The following PCNT variants were observed in gnomAD, a reference collection of about 807,000 sequenced individuals.
PCNT encodes pericentrin.
A neutral mutation model predicts 380.4 loss-of-function variants in PCNT; 319 were observed. The observed-to-expected ratio is 0.84, with a 90% CI of 0.77 to 0.92. The LOEUF (loss-of-function observed/expected upper bound fraction) is 0.92, where lower values mean the gene tolerates loss of function less well. PCNT is among the 40% of genes least tolerant of loss of function. The pLI is 0.00. For synonymous variants in PCNT, 1,845 were observed against 1,735.2 expected (o/e 1.06, Z -1.57); for missense variants, 4,400 against 4,255.3 (o/e 1.03, Z -0.95).
intron 24 of PCNT, among the ~76,000 whole-genome samples, chr21:46,398,877 TG>T (rs1187356887): frequency 2.0e-5 from 3 of 148,174 alleles, no homozygotes; most frequent in Middle Eastern, 3.6e-3. Context: ...TGGAGTGCAG[TG>T]GCGCGATCTC....
intron 3 of PCNT, among the ~76,000 whole-genome samples, chr21:46,339,401 A>G (rs910503905): frequency 6.6e-6 from 1 of 152,210 alleles, no homozygotes; most frequent in African/African-American, 2.4e-5. Context: ...GGACAGAACT[A>G]AAAGGATAGA....
intron 8 of PCNT, among the ~76,000 whole-genome samples, chr21:46,351,072 C>G (rs2084248956): frequency 6.6e-6 from 1 of 152,184 alleles, no homozygotes; most frequent in Non-Finnish European, 1.5e-5. Flanking sequence ...TCCCTAAATT[C>G]CATTCAGCAG....
rs754276934 is a variant in PCNT at position 46,427,727 on chromosome 21, C to T, written c.7426C>T (p.Leu2476Phe). The T allele has an allele frequency of 6.8e-6, 11 of 1,613,814 alleles. No individual in the cohort carries two copies. The South Asian group carries it at 8.8e-5, about 13-fold the overall frequency. The change falls in exon 34 of 47, where the codon CTC (leucine) becomes TTC (phenylalanine). Residue 2476 changes from leucine (L) to phenylalanine (F), a missense_variant. Coordinates refer to ENST00000359568, the MANE Select transcript of PCNT (RefSeq NM_006031.6). ...EMQGVELQPR[L>F]SGSDLGGHSS... The stretch of plus-strand genomic sequence containing the variant: ...GCAGGGGGTTGAGCTGCAGCCCCGA[C>T]TCAGTGGCTCAGATCTGGGGGGTCA...
rs761178231 is a variant in PCNT at position 46,347,524 on chromosome 21, C to T, written c.1032+12C>T. ...CCCAGATAGTAAAGGTACCCGGGATCGATTCTAAAATGCACGCCTCTGTGT... is the reference window on the plus strand; with the variant it reads ...CCCAGATAGTAAAGGTACCCGGGATTGATTCTAAAATGCACGCCTCTGTGT... On this transcript the variant is annotated intron_variant, in intron 6 of 46. Transcript: ENST00000359568. 6.2e-6 allele frequency: 10 copies of T among 1,613,270 alleles called. No homozygotes were observed. The highest frequency in any genetic ancestry group is 1.6e-4 in the Middle Eastern group (1 of 6,062).
chr21:46,346,113 G>C lies in PCNT; in HGVS notation c.640-15G>C. 1 of 1,612,950 alleles carries C rather than the reference G, an allele frequency of 6.2e-7. No individual in the cohort carries two copies. Among genetic ancestry groups the C allele is most frequent in the Non-Finnish European group, 8.5e-7 (1 of 1,178,952 alleles). ...TGTGAATTCTGGACCTACATTCTTT[G>C]CCTTTTTTCCCCAGGAGTGTGAACA... On this transcript the variant is annotated splice_polypyrimidine_tract_variant and intron_variant, in intron 3 of 46. Coordinates refer to ENST00000359568, the MANE Select transcript of PCNT (RefSeq NM_006031.6).
intron 13 of PCNT, among the ~76,000 whole-genome samples, chr21:46,362,830 GC>G (rs1011935848): frequency 6.6e-6 from 1 of 151,316 alleles, no homozygotes; most frequent in African/African-American, 2.4e-5. Context: ...CTGTGATTGT[GC>G]CCCTGCACTC....
chr21:46,333,629 G>A lies in PCNT; in HGVS notation c.268-768G>A, dbSNP rs183752389. Among the ~76,000 whole-genome samples the A allele has an allele frequency of 1.4e-3, 216 of 150,098 alleles. 2 individuals carry two copies. The highest frequency in any genetic ancestry group is 0.011 in the Middle Eastern group (3 of 278). ...AAAAAAAAAATTACAGGCTGGGCACGGTTACTCACACCTGTAATCCCAGCA... is the reference window on the plus strand; with the variant it reads ...AAAAAAAAAATTACAGGCTGGGCACAGTTACTCACACCTGTAATCCCAGCA... On this transcript the variant is annotated intron_variant, in intron 2 of 46. Coordinates refer to ENST00000359568, the MANE Select transcript of PCNT (RefSeq NM_006031.6).
intron 13 of PCNT, among the ~76,000 whole-genome samples, chr21:46,362,946 C>T (rs761223682): frequency 1.8e-4 from 27 of 152,278 alleles, no homozygotes; most frequent in Non-Finnish European, 3.4e-4. Context: ...TTACAGTGTG[C>T]CTTGCAGTTC....
rs2147280750 is a variant in PCNT, at chr21:46,389,290, A to G, written c.3699A>G (p.Glu1233=). ...SECAEMSSVA[E]ISSHMRESFL... is the part of the protein sequence containing the mutation. ...GTGCAGAGATGTCTTCCGTGGCTGA[A>G]ATTAGCAGCCACATGCGTGAAAGCT... The change falls in exon 19 of 47, where the codon GAA becomes GAG. Residue 1233 remains glutamate (E), a synonymous_variant. Transcript: ENST00000359568. 6.2e-7 allele frequency: 1 copy of G among 1,614,174 alleles called. No homozygotes were observed. The highest frequency in any genetic ancestry group is 2.2e-5 in the East Asian group (1 of 44,878).
intron 41 of PCNT, 54 bp from the exon 42 acceptor site, chr21:46,440,029 A>T: frequency 1.2e-6 from 2 of 1,611,666 alleles, no homozygotes; most frequent in Non-Finnish European, 1.7e-6. Context: ...CGTCTCTAAG[A>T]TGCTCTTGTT....
At position 46,334,658 on chromosome 21, in the gene PCNT, C is replaced by G; in HGVS notation, c.529C>G (p.His177Asp). The change falls in exon 3 of 47, where the codon CAC becomes GAC. Residue 177 changes from histidine (H) to aspartate (D), a missense_variant. His to Asp is a moderately conservative substitution (Grantham distance 81, BLOSUM62 -1). Coordinates refer to ENST00000359568, the MANE Select transcript of PCNT (RefSeq NM_006031.6). ...EQRGMFTISD[H>D]QPEQRGMFTV... ...GCGTGGGATGTTCACAATCAGTGAC[C>G]ACCAACCGGAACAGCGTGGGATGTT... 1 of 1,604,936 alleles carries G rather than the reference C, an allele frequency of 6.2e-7. No individual in the cohort carries two copies. Among genetic ancestry groups the G allele is most frequent in the Non-Finnish European group, 8.5e-7 (1 of 1,174,928 alleles).
chr21:46,354,157 G>A (rs536102135), intron 11 of PCNT, 89 bp downstream of exon 11: 39 of 1,184,058 alleles, frequency 3.3e-5, no homozygotes, highest in East Asian at 2.7e-4. Context: ...CTGTGTTTCC[G>A]TCCTTCCCAC....
rs552803144 is a variant in PCNT at position 46,397,540 on chromosome 21, C to T, written c.4446+46C>T. On this transcript the variant is annotated intron_variant, in intron 22 of 46. Coordinates refer to ENST00000359568, the MANE Select transcript of PCNT (RefSeq NM_006031.6). ...ATTTTTTTGCATCACTAAAAGTTGCCGTTACAGCATGAACTTCTTTCCAGA... is the reference window on the plus strand; with the variant it reads ...ATTTTTTTGCATCACTAAAAGTTGCTGTTACAGCATGAACTTCTTTCCAGA... The T allele has an allele frequency of 8.2e-5, 122 of 1,488,764 alleles. No homozygotes were observed. In the South Asian group the frequency reaches 9.4e-4, roughly 12 times the overall value. 92.2% of individuals were successfully genotyped at this position (1,488,764 alleles called of 1,614,324 possible).
intron 32 of PCNT, among the ~76,000 whole-genome samples, chr21:46,424,485 G>A (rs2087404134): frequency 6.6e-6 from 1 of 152,222 alleles, no homozygotes; most frequent in Non-Finnish European, 1.5e-5. Flanking sequence ...GGCCTCACGG[G>A]AACCCACCTG....
chr21:46,349,783 T>G lies in PCNT; in HGVS notation c.1307T>G (p.Phe436Cys). 6.2e-7 allele frequency: 1 copy of G among 1,614,114 alleles called. No homozygotes were observed. Among genetic ancestry groups the G allele is most frequent in the African/African-American group, 1.3e-5 (1 of 75,004 alleles). Residue 436 changes from phenylalanine to cysteine, a missense_variant, in exon 8 of 47, where the codon TTC (phenylalanine) becomes TGC (cysteine). Phe to Cys is a radical substitution (Grantham distance 205, BLOSUM62 -2). Transcript: ENST00000359568. Reference protein sequence around the residue: ...EHGRCLEDLEFKFKESEKEKQ... With the variant: ...EHGRCLEDLECKFKESEKEKQ... ...GGCCGGTGTTTAGAAGACTTGGAGT[T>G]CAAGTTCAAAGAGAGCGAGAAAGAA...
At chr21:46,404,721 G>T (rs1174642049) in intron 27 of PCNT, among the ~76,000 whole-genome samples, 2 of 152,188 alleles carry the variant, frequency 1.3e-5, no homozygotes, top group African/African-American at 2.4e-5. Flanking sequence ...AGACTGAGGA[G>T]GGTGGGTTAC....
In PCNT at chr21:46,381,805, C is replaced by T; in HGVS notation, c.3277C>T (p.Leu1093=). 6.2e-7 allele frequency: 1 copy of T among 1,614,226 alleles called. No homozygotes were observed. Among genetic ancestry groups the T allele is most frequent in the Non-Finnish European group, 8.5e-7 (1 of 1,180,028 alleles). The change falls in exon 16 of 47, where the codon CTG becomes TTG. Residue 1093 remains leucine, a synonymous_variant. Coordinates refer to ENST00000359568, the MANE Select transcript of PCNT (RefSeq NM_006031.6). The part of the protein sequence containing the change: ...FHQEEKESLS[L]QLQKKNHQVQ... ...CCAAGAGGAGAAAGAGTCTTTGTCT[C>T]TGCAGCTTCAAAAGAAGAATCACCA...
At chr21:46,423,077 T>G (rs2087323314) in intron 32 of PCNT, among the ~76,000 whole-genome samples, 1 of 152,000 alleles carries the variant, frequency 6.6e-6, no homozygotes. Flanking sequence ...GTAAGACCCC[T>G]CTCTGTCAGA....
chr21:46,397,480 C>G lies in PCNT; in HGVS notation c.4432C>G (p.Arg1478Gly), dbSNP rs549834885. The change falls in exon 22 of 47, where the codon CGG becomes GGG. Residue 1478 changes from arginine to glycine, a missense_variant. Transcript: ENST00000359568. ...ASLDKHLRNQRQFMDEQAAER... is the reference protein window; with the variant it reads ...ASLDKHLRNQGQFMDEQAAER... ...TCTGGACAAGCATTTGCGCAACCAG[C>G]GGCAATTCATGGATGTAAGAATTCT... 3 of 1,613,618 alleles carry G rather than the reference C, an allele frequency of 1.9e-6. No homozygotes were observed. The highest frequency in any genetic ancestry group is 1.7e-6 in the Non-Finnish European group (2 of 1,179,568).
Sources: allele counts gnomAD v4.1 joint callset (sites outside exome capture counted in the v4.1 genomes callset), GRCh38; gene constraint gnomAD v4.1.1; transcripts MANE v1.5; gene names NCBI Gene and HGNC (gene_info 2026-07-23, HGNC 2026-07-21).